SLC20A2: variants seen among roughly 807,000 people sequenced by gnomAD.
SLC20A2 encodes solute carrier family 20 member 2, also known as sodium-dependent phosphate transporter 2.
In SLC20A2, 30 loss-of-function variants were observed where a neutral mutation model predicts 61.0. The ratio of observed to expected loss-of-function variants is 0.49; its 90% CI spans 0.37 to 0.67. The LOEUF (loss-of-function observed/expected upper bound fraction) is 0.67. SLC20A2 is among the 30% of genes least tolerant of loss of function. SLC20A2 has a pLI of 0.00. For missense variants in SLC20A2, 626 were observed against 866.4 expected, an observed-to-expected ratio of 0.72 and a Z score of 3.48; for synonymous variants, 351 against 353.3, an observed-to-expected ratio of 0.99 and a Z score of 0.07.
chr8:42,421,371 A>C (rs982031220), intron 10 of SLC20A2, among the ~76,000 whole-genome samples: 12 of 151,970 alleles, frequency 7.9e-5, no homozygotes, highest in Non-Finnish European at 1.8e-4. Context: ...GATAACTTTT[A>C]TTTTTGCTGC....
chr8:42,430,283 A>T, intron 8 of SLC20A2, 34 bp from the exon 9 acceptor site: 3 of 1,567,740 alleles, frequency 1.9e-6, no homozygotes, highest in Non-Finnish European at 2.6e-6. Context: ...GATTAACTAT[A>T]TATGCAAGCG....
At chr8:42,523,317 C>T (rs900975886) in intron 1 of SLC20A2, among the ~76,000 whole-genome samples, 2 of 151,506 alleles carry the variant, frequency 1.3e-5, no homozygotes, top group Admixed American at 6.6e-5. Flanking sequence ...GCAACAACAG[C>T]GAAACTCTGT....
At chr8:42,519,999 T>C (rs898972483) in intron 1 of SLC20A2, among the ~76,000 whole-genome samples, 5 of 149,736 alleles carry the variant, frequency 3.3e-5, no homozygotes, top group African/African-American at 1.2e-4. Flanking sequence ...CCCAACTCTT[T>C]ATGCTAATCT....
rs767994782 is a variant in SLC20A2 at position 42,437,315 on chromosome 8, G to A, written c.1197C>T (p.His399=). The change falls in exon 8 of 11, where the codon CAC becomes CAT. Residue 399 remains histidine (H), a synonymous_variant. Transcript: ENST00000520262. This position sits in a 1 kb window ranked among gnomAD's most constrained non-coding sequence, Gnocchi z 6.4. Reference sequence around the variant, plus strand: ...ATGAGTCCGCAGCTCGAAAGGTGGCGTGCACTGGCAGCCCACAAATGGCTG... The same window carrying A: ...ATGAGTCCGCAGCTCGAAAGGTGGCATGCACTGGCAGCCCACAAATGGCTG... The part of the protein sequence containing the change: ...YTAAICGLPV[H]ATFRAADSSA... The A allele has an allele frequency of 2.5e-6, 4 of 1,614,084 alleles. No homozygotes were observed. The highest frequency in any genetic ancestry group is 1.3e-5 in the African/African-American group (1 of 74,954).
At chr8:42,508,515 C>T (rs1446393882) in intron 1 of SLC20A2, among the ~76,000 whole-genome samples, 1 of 152,108 alleles carries the variant, frequency 6.6e-6, no homozygotes, top group Non-Finnish European at 1.5e-5. Context: ...CTCAGCCTCC[C>T]GAGTAGCTGG....
chr8:42,445,315 A>G (rs1029597254), intron 5 of SLC20A2, among the ~76,000 whole-genome samples: 11 of 152,162 alleles, frequency 7.2e-5, no homozygotes, highest in South Asian at 4.1e-4. Flanking sequence ...AATAAAATAA[A>G]AATAAATAAA....
chr8:42,437,205 T>C lies in SLC20A2; in HGVS notation c.1307A>G (p.Tyr436Cys), dbSNP rs763605720. 6.2e-7 allele frequency: 1 copy of C among 1,613,708 alleles called. No homozygotes were observed. The highest frequency in any genetic ancestry group is 8.5e-7 in the Non-Finnish European group (1 of 1,180,020). Residue 436 changes from tyrosine (Y) to cysteine (C), a missense_variant, in exon 8 of 11, where the codon TAC becomes TGC. Transcript: ENST00000520262. This position sits in a 1 kb window ranked among gnomAD's most constrained non-coding sequence, Gnocchi z 6.4. The part of the protein sequence containing the change: ...KRLRYDSYSS[Y>C]CNAVAEAEIE... ...CTCCGCCTCTGCCACCGCGTTACAG[T>C]AGCTCGAGTAGCTGTCGTAGCGCAG...
At chr8:42,514,208 T>C (rs1277955516) in intron 1 of SLC20A2, among the ~76,000 whole-genome samples, 1 of 152,220 alleles carries the variant, frequency 6.6e-6, no homozygotes, top group Non-Finnish European at 1.5e-5. Context: ...AAACTTCCCA[T>C]GTAGCAATTC....
At chr8:42,469,911 A>C (rs1807488842) in intron 2 of SLC20A2, among the ~76,000 whole-genome samples, 6 of 151,674 alleles carry the variant, frequency 4.0e-5, no homozygotes, top group Admixed American at 3.9e-4. Context: ...CTGGGCAACA[A>C]AGCGAGATTC....
At position 42,417,682 on chromosome 8, in the gene SLC20A2, A is replaced by G. The variant is rs772703734; in HGVS notation, c.*121T>C. On this transcript the variant is annotated 3_prime_UTR_variant, in exon 11 of 11. Transcript: ENST00000520262. ...ATGGAGCCTCCTGGAAGGGAGGCAG[A>G]GAGCTGGTCATGAGAGAGCCGTGCA... is the stretch of plus-strand genomic sequence containing the variant. 1.7e-5 allele frequency: 18 copies of G among 1,079,606 alleles called. No individual in the cohort carries two copies. Among genetic ancestry groups the G allele is most frequent in the Non-Finnish European group, 2.2e-5 (16 of 742,444 alleles). 66.9% of individuals were successfully genotyped at this position (1,079,606 alleles called of 1,614,324 possible).
intron 6 of SLC20A2, among the ~76,000 whole-genome samples, chr8:42,440,550 G>A (rs1217183756): frequency 1.3e-5 from 2 of 152,284 alleles, no homozygotes; most frequent in East Asian, 3.9e-4. Context: ...GTGGGTTTTT[G>A]GAGATTGCAT....
At chr8:42,431,941 C>T (rs1294467102) in intron 8 of SLC20A2, among the ~76,000 whole-genome samples, 1 of 152,206 alleles carries the variant, frequency 6.6e-6, no homozygotes, top group South Asian at 2.1e-4. Flanking sequence ...CACTTGGTCA[C>T]CAGAGAGCTC....
intron 1 of SLC20A2, among the ~76,000 whole-genome samples, chr8:42,475,438 C>A (rs1366030232): frequency 6.6e-6 from 1 of 150,762 alleles, no homozygotes; most frequent in African/African-American, 2.4e-5. Context: ...GAGACAAAGT[C>A]TCACTCTGTC....
At position 42,437,518 on chromosome 8, in the gene SLC20A2, C is replaced by A. The variant is rs569791992; in HGVS notation, c.994G>T (p.Gly332Cys). The change falls in exon 8 of 11, where the codon GGC becomes TGC. Residue 332 changes from glycine to cysteine, a missense_variant. By Grantham distance (159) the Gly-to-Cys change is radical. This residue lies in a region of SLC20A2 where 361 missense variants were observed against 422.3 expected (regional missense o/e 0.85). Transcript: ENST00000520262. This position sits in a 1 kb window ranked among gnomAD's most constrained non-coding sequence, Gnocchi z 6.4. The stretch of plus-strand genomic sequence containing the variant: ...TCGCTCCTGGTGTGGCCGTCGAAGC[C>A]GAAGGTGCCGTTGGAGATGGGCGAT... ...VKSPISNGTF[G>C]FDGHTRSDGH... The A allele has an allele frequency of 1.2e-6, 2 of 1,613,946 alleles. No individual in the cohort carries two copies. The highest frequency in any genetic ancestry group is 2.2e-5 in the South Asian group (2 of 91,064).
chr8:42,455,547 C>T (rs1806131572), intron 5 of SLC20A2, among the ~76,000 whole-genome samples: 1 of 151,514 alleles, frequency 6.6e-6, no homozygotes, highest in Non-Finnish European at 1.5e-5. Context: ...GTAGTCCCAA[C>T]TACTCAGGAG....
At chr8:42,498,782 TC>T (rs33937344) in intron 1 of SLC20A2, among the ~76,000 whole-genome samples, 2,313 of 152,050 alleles carry the variant, frequency 0.015, 61 homozygotes, top group African/African-American at 0.05. Flanking sequence ...GAGAGAACAT[TC>T]TAGGGATGTG....
In SLC20A2 at chr8:42,465,933, C is replaced by A. The variant is rs1390907343; in HGVS notation, c.290-16G>T. 1.9e-6 allele frequency: 3 copies of A among 1,600,468 alleles called. No homozygotes were observed. The highest frequency in any genetic ancestry group is 1.4e-5 in the African/African-American group (1 of 73,890). On this transcript the variant is annotated splice_polypyrimidine_tract_variant and intron_variant, in intron 2 of 10. Transcript: ENST00000520262. ...ACAGCGGAACCTACAGATTGAAGGA[C>A]AAAAAACCATCAGATACAGAGTACA...
intron 1 of SLC20A2, among the ~76,000 whole-genome samples, chr8:42,481,089 G>A (rs1398553581): frequency 6.6e-6 from 1 of 152,126 alleles, no homozygotes; most frequent in Non-Finnish European, 1.5e-5. Flanking sequence ...AAAGTATCTT[G>A]ATGGTGCCAA....
intron 1 of SLC20A2, among the ~76,000 whole-genome samples, chr8:42,480,295 CTT>C: frequency 6.6e-6 from 1 of 152,164 alleles, no homozygotes; most frequent in East Asian, 1.9e-4. Flanking sequence ...CTCTAGGTCT[CTT>C]TTTATTTTTT....
Sources: allele counts gnomAD v4.1 joint callset (sites outside exome capture counted in the v4.1 genomes callset), GRCh38; gene constraint gnomAD v4.1.1; regional missense constraint gnomAD v4.1.1; non-coding constraint Gnocchi (gnomAD v3.1); transcripts MANE v1.5; gene names NCBI Gene and HGNC (gene_info 2026-07-23, HGNC 2026-07-21).